GPR146: variants seen among roughly 807,000 people sequenced by gnomAD.
GPR146 encodes G protein-coupled receptor 146.
For synonymous variants in GPR146, 203 were observed against 104.3 expected (o/e 1.95, Z -5.77); for missense variants, 381 against 213.9 (o/e 1.78, Z -4.87).
rs1292397545 is a variant in GPR146 at position 1,044,659 on chromosome 7, G to T, written c.-25+1G>T. 1 of 152,008 alleles carries T rather than the reference G, an allele frequency of 6.6e-6. No individual in the cohort carries two copies. The highest frequency in any genetic ancestry group is 1.5e-5 in the Non-Finnish European group (1 of 67,958). 9.4% of individuals were successfully genotyped at this position (152,008 alleles called of 1,614,324 possible). ...GCGCCGGCCGCCGCCCAGCAAGCCG[G>T]TGAGTGGGGCCCGGGAGCCTGGGTC... On this transcript the variant is annotated splice_donor_variant, in intron 1 of 1. Transcript: ENST00000444847. LOFTEE classifies it low-confidence loss of function (5UTR_SPLICE).
chr7:1,053,593 C>G (rs1031288222), intron 1 of GPR146, among the ~76,000 whole-genome samples: 2 of 152,138 alleles, frequency 1.3e-5, no homozygotes, highest in African/African-American at 4.8e-5. Context: ...TTTGGGAGGC[C>G]GAGGTGGGCG....
At chr7:1,047,465 T>C (rs954078121) in intron 1 of GPR146, among the ~76,000 whole-genome samples, 1 of 152,396 alleles carries the variant, frequency 6.6e-6, no homozygotes, top group South Asian at 2.1e-4. Flanking sequence ...TAGGAATCAG[T>C]GTGCGTAAGC....
chr7:1,054,317 T>TA (rs1783494180), intron 1 of GPR146, among the ~76,000 whole-genome samples: 1 of 152,234 alleles, frequency 6.6e-6, no homozygotes, highest in East Asian at 1.9e-4. Flanking sequence ...TCATCATTGA[T>TA]ACCTGGTGAA....
chr7:1,050,497 A>G (rs1409139727), intron 1 of GPR146, among the ~76,000 whole-genome samples: 7 of 152,190 alleles, frequency 4.6e-5, no homozygotes, highest in Non-Finnish European at 8.8e-5. Context: ...TCGTTTCTCA[A>G]GCTGCCCCAG....
chr7:1,047,938 A>G lies in GPR146; in HGVS notation c.-25+3280A>G, dbSNP rs375400343. Among the ~76,000 whole-genome samples the G allele has an allele frequency of 7.9e-5, 12 of 152,276 alleles. No individual in the cohort carries two copies. In the East Asian group the frequency reaches 1.4e-3, roughly 17 times the overall value. ...CATCCCCTTCTACGGTTTTCATCCAACAGTCAGCCAGGCTGCTGCAGCACA... is the reference window on the plus strand; with the variant it reads ...CATCCCCTTCTACGGTTTTCATCCAGCAGTCAGCCAGGCTGCTGCAGCACA... On this transcript the variant is annotated intron_variant, in intron 1 of 1. Coordinates refer to ENST00000444847, the MANE Select transcript of GPR146 (RefSeq NM_001303473.2).
intron 1 of GPR146, among the ~76,000 whole-genome samples, chr7:1,051,219 C>G (rs1334176834): frequency 1.3e-5 from 2 of 152,196 alleles, no homozygotes; most frequent in Admixed American, 6.5e-5. Context: ...CGCCAGCCTC[C>G]CATGAACACT....
At chr7:1,053,822 A>G (rs368049562) in intron 1 of GPR146, among the ~76,000 whole-genome samples, 1 of 152,138 alleles carries the variant, frequency 6.6e-6, no homozygotes, top group Non-Finnish European at 1.5e-5. Context: ...GCGAGACTCC[A>G]TCTCAAAAAA....
At position 1,052,354 on chromosome 7, in the gene GPR146, G is replaced by A. The variant is rs532440950; in HGVS notation, c.-24-5138G>A. Reference sequence around the variant, plus strand: ...GTGCCTCCCTAGGGGAGGGCCTTGGGGCTGCTTGTGCTGGCACCGACGTGG... The same window carrying A: ...GTGCCTCCCTAGGGGAGGGCCTTGGAGCTGCTTGTGCTGGCACCGACGTGG... On this transcript the variant is annotated intron_variant, in intron 1 of 1. Transcript: ENST00000444847. The surrounding 1 kb of genome is among the most constrained non-coding windows in gnomAD (Gnocchi z 4.2). Among the ~76,000 whole-genome samples the A allele has an allele frequency of 6.6e-6, 1 of 152,226 alleles. No homozygotes were observed. Among genetic ancestry groups the A allele is most frequent in the Non-Finnish European group, 1.5e-5 (1 of 68,030 alleles).
intron 1 of GPR146, among the ~76,000 whole-genome samples, chr7:1,048,989 C>T (rs1024851093): frequency 5.3e-5 from 8 of 152,202 alleles, no homozygotes; most frequent in African/African-American, 1.9e-4. Context: ...AACATAAAAA[C>T]CATAAAACTG....
chr7:1,051,248 T>C (rs375209435), intron 1 of GPR146, among the ~76,000 whole-genome samples: 2 of 152,318 alleles, frequency 1.3e-5, no homozygotes, highest in East Asian at 3.9e-4. Context: ...ACCCCGGTCC[T>C]CTCAGGATTC....
chr7:1,044,638 C>T lies in GPR146; in HGVS notation c.-45C>T, dbSNP rs997553018. 11 of 151,880 alleles carry T rather than the reference C, an allele frequency of 7.2e-5. No individual in the cohort carries two copies. The highest frequency in any genetic ancestry group is 7.2e-4 in the Admixed American group (11 of 15,252). 9.4% of individuals were successfully genotyped at this position (151,880 alleles called of 1,614,324 possible). A position where few individuals can be genotyped will look rare whatever the true frequency, so the allele number is the denominator to read the frequency against. On this transcript the variant is annotated 5_prime_UTR_variant, in exon 1 of 2. Transcript: ENST00000444847. Reference sequence around the variant, plus strand: ...GCTGCCCGCCCGGCGGCGACTGCGCCGGCCGCCGCCCAGCAAGCCGGTGAG... The same window carrying T: ...GCTGCCCGCCCGGCGGCGACTGCGCTGGCCGCCGCCCAGCAAGCCGGTGAG...
chr7:1,047,018 T>G (rs147141116), intron 1 of GPR146, among the ~76,000 whole-genome samples: 45 of 152,374 alleles, frequency 3.0e-4, no homozygotes, highest in African/African-American at 1.0e-3. Flanking sequence ...AGAGACTCTC[T>G]GTTCTTGGCC....
rs560705761 is a variant in GPR146 at position 1,049,704 on chromosome 7, T to C, written c.-25+5046T>C. Among the ~76,000 whole-genome samples the C allele has an allele frequency of 5.9e-5, 9 of 152,316 alleles. No individual in the cohort carries two copies. The East Asian group carries it at 1.7e-3, about 29-fold the overall frequency. ...CGAAGCCCTGTCTAACATTCCCTCA[T>C]GTCAGGTAGAAGGAATTAGACCAGA... On this transcript the variant is annotated intron_variant, in intron 1 of 1. Transcript: ENST00000444847.
rs1034325385 is a variant in GPR146, at chr7:1,052,005, G to A, written c.-24-5487G>A. On this transcript the variant is annotated intron_variant, in intron 1 of 1. Coordinates refer to ENST00000444847, the MANE Select transcript of GPR146 (RefSeq NM_001303473.2). The surrounding 1 kb of genome is among the most constrained non-coding windows in gnomAD (Gnocchi z 4.2). ...AACAGAAAAATAAAAACAGAAGGAG[G>A]AACAGATGAATCCCATTTGTGACAT... Among the ~76,000 whole-genome samples, 4 of 152,186 alleles carry A rather than the reference G, an allele frequency of 2.6e-5. No homozygotes were observed. Among genetic ancestry groups the A allele is most frequent in the East Asian group, 3.9e-4 (2 of 5,190 alleles).
chr7:1,050,201 T>C (rs925134881), intron 1 of GPR146, among the ~76,000 whole-genome samples: 16 of 152,222 alleles, frequency 1.1e-4, no homozygotes, highest in Admixed American at 9.2e-4. Context: ...AGCCTGCCTG[T>C]GCACCCTGTG....
intron 1 of GPR146, among the ~76,000 whole-genome samples, chr7:1,050,804 G>T (rs78158942): frequency 0.11 from 16,293 of 152,296 alleles, 1,156 homozygotes; most frequent in Middle Eastern, 0.2. Context: ...CCAGAGACGG[G>T]CACACCGGAA....
chr7:1,046,627 G>T (rs962234693), intron 1 of GPR146, among the ~76,000 whole-genome samples: 1 of 152,194 alleles, frequency 6.6e-6, no homozygotes, highest in Non-Finnish European at 1.5e-5. Context: ...CCCGGGACCA[G>T]AAGTCAGTTT....
At chr7:1,054,128 G>A (rs933032131) in intron 1 of GPR146, among the ~76,000 whole-genome samples, 8 of 152,212 alleles carry the variant, frequency 5.3e-5, no homozygotes, top group African/African-American at 1.7e-4. Context: ...CAGAGCCCAC[G>A]GAGCAGCCCG....
chr7:1,050,321 GGCATTTGCTCAGGCTCAGA>G (rs1401627750), intron 1 of GPR146, among the ~76,000 whole-genome samples: 1 of 152,238 alleles, frequency 6.6e-6, no homozygotes. Context: ...AGATCCCCAG[GGCATTTGCTCAGGCTCAGA>G]GCAGAGCAGG....
Sources: gnomAD v4.1 joint callset for allele counts (sites outside exome capture counted in the v4.1 genomes callset) on GRCh38, gnomAD v4.1.1 for gene constraint, Gnocchi (gnomAD v3.1) non-coding constraint, MANE v1.5 for transcripts, NCBI Gene and HGNC (gene_info 2026-07-23, HGNC 2026-07-21) for gene names.